The following FRMD3 variants were observed in gnomAD, a reference collection of about 807,000 sequenced individuals.
FRMD3 encodes FERM domain-containing protein 3.
In FRMD3, 33 loss-of-function variants were observed where a neutral mutation model predicts 70.2. The observed-to-expected ratio is 0.47, with a 90% CI of 0.36 to 0.63. The LOEUF (loss-of-function observed/expected upper bound fraction) is 0.63, where lower values mean the gene tolerates loss of function less well. Ranked by LOEUF, FRMD3 falls within the 20% of genes least tolerant of loss-of-function variation. FRMD3 has a pLI of 0.00. For missense variants in FRMD3, 632 were observed against 711.4 expected (o/e 0.89, Z 1.27); for synonymous variants, 279 against 255.9 (o/e 1.09, Z -0.86).
intron 5 of FRMD3, among the ~76,000 whole-genome samples, chr9:83,342,197 T>A (rs1450039773): frequency 6.6e-6 from 1 of 152,120 alleles, no homozygotes; most frequent in African/African-American, 2.4e-5. Flanking sequence ...ACCTGAGCCA[T>A]TTTCACTTGG....
chr9:83,552,989 G>T, the FRMD3 span, among the ~76,000 whole-genome samples: 20 of 152,064 alleles, frequency 1.3e-4, no homozygotes, highest in Non-Finnish European at 2.9e-5. Flanking sequence ...TACATTCAAG[G>T]TTAGCATTGA....
the FRMD3 span, among the ~76,000 whole-genome samples, chr9:83,565,024 G>C: frequency 6.6e-6 from 1 of 152,182 alleles, no homozygotes; most frequent in African/African-American, 2.4e-5. Flanking sequence ...CAGTCAGGCT[G>C]TCAACGCCAG....
chr9:83,310,893 T>C (rs1835326420), intron 8 of FRMD3, among the ~76,000 whole-genome samples: 1 of 152,204 alleles, frequency 6.6e-6, no homozygotes, highest in South Asian at 2.1e-4. Flanking sequence ...TGATTTCAGA[T>C]TCAGTTAATG....
chr9:83,310,394 T>C (rs11140018), intron 9 of FRMD3, 91 bp downstream of exon 9: 248,943 of 1,009,242 alleles, frequency 0.25, 33,227 homozygotes, highest in East Asian at 0.41. Context: ...GTCATGGTCT[T>C]TGGCGACTAC....
chr9:83,313,856 C>A, intron 6 of FRMD3, 109 bp from the exon 7 acceptor site: 3 of 803,082 alleles, frequency 3.7e-6, no homozygotes, highest in Non-Finnish European at 6.3e-6. Flanking sequence ...AGAGAAAAAC[C>A]CTTACATAAA....
intron 2 of FRMD3, among the ~76,000 whole-genome samples, chr9:83,382,311 C>T (rs1477499250): frequency 6.6e-6 from 1 of 152,004 alleles, no homozygotes; most frequent in Non-Finnish European, 1.5e-5. Context: ...GGTACATGTG[C>T]AGAATGTGCA....
At chr9:83,272,989 G>A (rs1205292252) in intron 13 of FRMD3, among the ~76,000 whole-genome samples, 5 of 147,718 alleles carry the variant, frequency 3.4e-5, no homozygotes, top group African/African-American at 1.0e-4. Flanking sequence ...CCCGGCAGCC[G>A]CCCCGTCCGG....
rs757295710 is a variant in FRMD3 at position 83,311,931 on chromosome 9, G to C, written c.729C>G (p.Gly243=). 1.9e-6 allele frequency: 3 copies of C among 1,606,804 alleles called. No homozygotes were observed. Among genetic ancestry groups the C allele is most frequent in the Non-Finnish European group, 2.5e-6 (3 of 1,177,278 alleles). ...TTTFLGFTAA[G]FVVFQGNKRI... is the part of the protein sequence containing the mutation. ...TCTTATTTCCCTGAAAGACCACAAA[G>C]CCTGCAGCTGTGAATCCTAAAAATG... Residue 243 remains glycine, a synonymous_variant, in exon 8 of 14, where the codon GGC becomes GGG. Transcript: ENST00000304195.
chr9:83,479,348 AG>A (rs1828475476), intron 1 of FRMD3, among the ~76,000 whole-genome samples: 3 of 40,708 alleles, frequency 7.4e-5, no homozygotes, highest in Admixed American at 2.1e-4. Context: ...AGGAAGAAGG[AG>A]GAGGAGGAGG....
intron 1 of FRMD3, among the ~76,000 whole-genome samples, chr9:83,460,902 G>A (rs541171351): frequency 6.6e-6 from 1 of 151,842 alleles, no homozygotes; most frequent in South Asian, 2.1e-4. Flanking sequence ...AGAGCTTCTA[G>A]TTTGACACAT....
At chr9:83,568,089 C>T in the FRMD3 span, among the ~76,000 whole-genome samples, 1 of 152,160 alleles carries the variant, frequency 6.6e-6, no homozygotes, top group Non-Finnish European at 1.5e-5. Context: ...CTAGGGAGGC[C>T]TCAGAATCAT....
At chr9:83,318,715 A>G (rs1835680428) in intron 6 of FRMD3, among the ~76,000 whole-genome samples, 1 of 152,162 alleles carries the variant, frequency 6.6e-6, no homozygotes, top group East Asian at 1.9e-4. Flanking sequence ...GTTCTTTAAG[A>G]AATCTCCACA....
chr9:83,324,193 C>A (rs916344955), intron 6 of FRMD3, among the ~76,000 whole-genome samples: 1 of 152,050 alleles, frequency 6.6e-6, no homozygotes, highest in Admixed American at 6.6e-5. Flanking sequence ...AAATGAGACA[C>A]GAGAATACAG....
chr9:83,430,322 G>GCT (rs1826936063), intron 1 of FRMD3, among the ~76,000 whole-genome samples: 1 of 152,110 alleles, frequency 6.6e-6, no homozygotes, highest in Non-Finnish European at 1.5e-5. Context: ...CCCAAGATTG[G>GCT]CTCCATTTGG....
rs1371328781 is a variant in FRMD3, at chr9:83,537,212, C to T, written c.147+873G>A. Among the ~76,000 whole-genome samples the T allele has an allele frequency of 6.6e-6, 1 of 152,094 alleles. No individual in the cohort carries two copies. The highest frequency in any genetic ancestry group is 1.5e-5 in the Non-Finnish European group (1 of 68,014). On this transcript the variant is annotated intron_variant, in intron 1 of 13. Coordinates refer to ENST00000304195, the MANE Select transcript of FRMD3 (RefSeq NM_174938.6). The surrounding 1 kb of genome is among the most constrained non-coding windows in gnomAD (Gnocchi z 4.1). ...CACACACCTTTGCACCTCACACTAG[C>T]TCTCCTGACAGCCCAGAGGCACTTA...
At chr9:83,331,115 G>T (rs1168485297) in intron 6 of FRMD3, among the ~76,000 whole-genome samples, 1 of 152,192 alleles carries the variant, frequency 6.6e-6, no homozygotes, top group African/African-American at 2.4e-5. Context: ...TTACCCAAAT[G>T]AGTTGAAAAC....
At chr9:83,469,828 T>C (rs533573570) in intron 1 of FRMD3, among the ~76,000 whole-genome samples, 8 of 152,268 alleles carry the variant, frequency 5.3e-5, no homozygotes, top group African/African-American at 1.7e-4. Context: ...TTCTCACCAA[T>C]GAGAGATCTC....
intron 13 of FRMD3, among the ~76,000 whole-genome samples, chr9:83,251,303 A>G (rs551091813): frequency 3.2e-4 from 48 of 152,320 alleles, no homozygotes; most frequent in Non-Finnish European, 6.3e-4. Flanking sequence ...TAAAAGAAAA[A>G]CAAACAAACA....
At chr9:83,532,423 A>G (rs1280061857) in intron 1 of FRMD3, among the ~76,000 whole-genome samples, 3 of 152,176 alleles carry the variant, frequency 2.0e-5, no homozygotes, top group Non-Finnish European at 2.9e-5. Flanking sequence ...AACAACACAC[A>G]CTACAAAGGA....
Sources: gnomAD v4.1 joint callset for allele counts (sites outside exome capture counted in the v4.1 genomes callset) on GRCh38, gnomAD v4.1.1 for gene constraint, Gnocchi (gnomAD v3.1) non-coding constraint, MANE v1.5 for transcripts, NCBI Gene and HGNC (gene_info 2026-07-23, HGNC 2026-07-21) for gene names.